CTSF: variants seen among roughly 807,000 people sequenced by gnomAD.
CTSF encodes cathepsin F.
A neutral mutation model predicts 63.5 loss-of-function variants in CTSF; 65 were observed. That is an observed-to-expected ratio of 1.02 (90% CI 0.84 to 1.26). The LOEUF (loss-of-function observed/expected upper bound fraction) is 1.26, where lower values mean the gene tolerates loss of function less well. Ranked by LOEUF, CTSF falls within the 50% of genes most tolerant of loss-of-function variation. The probability of loss-of-function intolerance (pLI) is 0.00; values close to 1 mark genes in which losing one functional copy is unlikely to be tolerated. For synonymous variants in CTSF, 256 were observed against 258.1 expected, an observed-to-expected ratio of 0.99 and a Z score of 0.08; for missense variants, 641 against 631.0, an observed-to-expected ratio of 1.02 and a Z score of -0.17.
rs200760567 is a variant in CTSF at position 66,564,961 on chromosome 11, T to C, written c.1091A>G (p.Gln364Arg). The change falls in exon 9 of 13, where the codon CAG (glutamine) becomes CGG (arginine). Residue 364 changes from glutamine (Q) to arginine (R), a missense_variant. Transcript: ENST00000310325. ...CTTCTCTGCTGAGAAGTTGCAGGAC[T>C]GCATGTGACCCTGGTAGCTGTAGTC... ...EDDYSYQGHM[Q>R]SCNFSAEKAK... 3 of 1,594,968 alleles carry C rather than the reference T, an allele frequency of 1.9e-6. No homozygotes were observed. Among genetic ancestry groups the C allele is most frequent in the African/African-American group, 2.7e-5 (2 of 74,812 alleles).
intron 8 of CTSF, 148 bp from the exon 9 acceptor site, chr11:66,565,154 G>A (rs1857901381): frequency 2.2e-6 from 3 of 1,361,006 alleles, no homozygotes; most frequent in South Asian, 1.5e-5. Flanking sequence ...CTTCATTCTA[G>A]AAATGACACA....
rs1250737788 is a variant in CTSF at position 66,564,619 on chromosome 11, G to C, written c.1260C>G (p.Leu420=). ...TGAGCCAAGGGCTGCAGAGGGGCCG[G>C]AGAGGGCGGGAGATCCCGTGGCGGT... ...QFYRHGISRP[L]RPLCSPWLID... The change falls in exon 11 of 13, where the codon CTC becomes CTG. Residue 420 remains leucine, a synonymous_variant. Transcript: ENST00000310325. 6.2e-7 allele frequency: 1 copy of C among 1,605,672 alleles called. No homozygotes were observed.
At chr11:66,567,195 G>A (rs759916621) in intron 4 of CTSF, 51 bp downstream of exon 4, 57 of 1,587,084 alleles carry the variant, frequency 3.6e-5, no homozygotes, top group Admixed American at 2.0e-4. Context: ...CCAAGTTGGG[G>A]GGAAAGTCCT....
At position 66,567,298 on chromosome 11, in the gene CTSF, T is replaced by G; in HGVS notation, c.555A>C (p.Ser185=). ...AGGTAATGACAAAGTTCTTGAAGAT[T>G]GAAGCCATCTTCACAGGCAAGTCCT... is the stretch of plus-strand genomic sequence containing the variant. ...LSQDLPVKMA[S]IFKNFVITYN... The change falls in exon 4 of 13, where the codon TCA becomes TCC. Residue 185 remains serine, a synonymous_variant. Coordinates refer to ENST00000310325, the MANE Select transcript of CTSF (RefSeq NM_003793.4). The G allele has an allele frequency of 6.2e-7, 1 of 1,614,194 alleles. No homozygotes were observed. Among genetic ancestry groups the G allele is most frequent in the Non-Finnish European group, 8.5e-7 (1 of 1,180,034 alleles).
At position 66,567,961 on chromosome 11, in the gene CTSF, A is replaced by AC. The variant is rs749126577; in HGVS notation, c.312+22dup. On this transcript the variant is annotated intron_variant, in intron 2 of 12. Coordinates refer to ENST00000310325, the MANE Select transcript of CTSF (RefSeq NM_003793.4). ...GCTTTACTCGGCCTCGGGGCGGGGA[A>AC]CCCCAAGAGCCTCATCACTCACCAG... The AC allele has an allele frequency of 1.2e-5, 19 of 1,571,052 alleles. No homozygotes were observed. In the East Asian group the frequency reaches 3.9e-4, roughly 32 times the overall value.
chr11:66,568,332 C>T lies in CTSF; in HGVS notation c.155G>A (p.Arg52His). 1 of 1,313,100 alleles carries T rather than the reference C, an allele frequency of 7.6e-7. No homozygotes were observed. The highest frequency in any genetic ancestry group is 9.6e-7 in the Non-Finnish European group (1 of 1,041,020). 81.3% of individuals were successfully genotyped at this position (1,313,100 alleles called of 1,614,324 possible). A position where few individuals can be genotyped will look rare whatever the true frequency, so the allele number is the denominator to read the frequency against. ...PTRFALEMFNRGRAAGTRAVL... is the reference protein window; with the variant it reads ...PTRFALEMFNHGRAAGTRAVL... ...GGCCCGCGTCCCCGCAGCCCGGCCG[C>T]GGTTGAACATCTCCAGCGCGAAGCG... is the stretch of plus-strand genomic sequence containing the variant. The change falls in exon 1 of 13, where the codon CGC (arginine) becomes CAC (histidine). Residue 52 changes from arginine to histidine, a missense_variant. Physicochemically the swap from Arg to His is conservative, Grantham distance 29. Coordinates refer to ENST00000310325, the MANE Select transcript of CTSF (RefSeq NM_003793.4).
Position 66,563,732 on chromosome 11 carries a change from G to A in CTSF, c.*201C>T. The A allele has an allele frequency of 3.1e-6, 2 of 635,174 alleles. No homozygotes were observed. The highest frequency in any genetic ancestry group is 2.7e-6 in the Non-Finnish European group (1 of 368,276). The allele number at this position is 635,174 out of a possible 1,614,324, so 39.3% of individuals were successfully genotyped here. ...CCTAAGCTACCACAATTCAACAAAG[G>A]TGCAGGTGCAGAACTTCAGGGTGGG... On this transcript the variant is annotated 3_prime_UTR_variant, in exon 13 of 13. Transcript: ENST00000310325.
intron 8 of CTSF, 95 bp from the exon 9 acceptor site, chr11:66,565,101 C>A (rs1857900149): frequency 1.3e-6 from 2 of 1,493,908 alleles, no homozygotes; most frequent in Non-Finnish European, 1.8e-6. Context: ...GTTTCACATT[C>A]CTCGTCCACC....
At chr11:66,566,615 C>T (rs939266475) in intron 4 of CTSF, among the ~76,000 whole-genome samples, 6 of 152,070 alleles carry the variant, frequency 3.9e-5, no homozygotes, top group African/African-American at 1.4e-4. Context: ...GTCTAAAGGA[C>T]ACCACCCACA....
chr11:66,564,769 G>T lies in CTSF; in HGVS notation c.1203C>A (p.Ser401=). 1.2e-6 allele frequency: 2 copies of T among 1,614,046 alleles called. No individual in the cohort carries two copies. Among genetic ancestry groups the T allele is most frequent in the Non-Finnish European group, 1.7e-6 (2 of 1,180,016 alleles). Residue 401 remains serine, a synonymous_variant, in exon 10 of 13, where the codon TCC becomes TCA. Transcript: ENST00000310325. ...AAWLAKRGPI[S]VAINAFGMQF... is the part of the protein sequence containing the mutation. ...GCATGCCAAAGGCATTGATGGCCAC[G>T]GAGATTGGGCCTCTCTTGGCCAGCC... is the stretch of plus-strand genomic sequence containing the variant.
At position 66,568,333 on chromosome 11, in the gene CTSF, G is replaced by C. The variant is rs1857983824; in HGVS notation, c.154C>G (p.Arg52Gly). Residue 52 changes from arginine to glycine, a missense_variant, in exon 1 of 13, where the codon CGC becomes GGC. Physicochemically the swap from Arg to Gly is moderately radical, Grantham distance 125. Transcript: ENST00000310325. ...GCCCGCGTCCCCGCAGCCCGGCCGC[G>C]GTTGAACATCTCCAGCGCGAAGCGG... ...PTRFALEMFN[R>G]GRAAGTRAVL... The C allele has an allele frequency of 7.6e-7, 1 of 1,313,056 alleles. No homozygotes were observed. The highest frequency in any genetic ancestry group is 9.6e-7 in the Non-Finnish European group (1 of 1,041,012). 81.3% of individuals were successfully genotyped at this position (1,313,056 alleles called of 1,614,324 possible).
rs373882968 is a variant in CTSF, at chr11:66,566,276, G to A, written c.721+15C>T. On this transcript the variant is annotated intron_variant, in intron 5 of 12. Transcript: ENST00000310325. Reference sequence around the variant, plus strand: ...CTCTTCCTGGATCCATGAGGACTGTGGCCACTATCCCTACCTGTGAGATCA... The same window carrying A: ...CTCTTCCTGGATCCATGAGGACTGTAGCCACTATCCCTACCTGTGAGATCA... 127 of 1,613,950 alleles carry A rather than the reference G, an allele frequency of 7.9e-5. No homozygotes were observed. The highest frequency in any genetic ancestry group is 1.0e-4 in the Non-Finnish European group (123 of 1,179,944).
Position 66,568,091 on chromosome 11 carries a change from A to T in CTSF, c.214-9T>A. On this transcript the variant is annotated splice_polypyrimidine_tract_variant and intron_variant, in intron 1 of 12. Coordinates refer to ENST00000310325, the MANE Select transcript of CTSF (RefSeq NM_003793.4). ...AGCGACCCCTGACCCGCCTGGAGAG[A>T]GGAGTAGGTGAGGCGGGCACAGTCG... The T allele has an allele frequency of 6.2e-7, 1 of 1,605,006 alleles. No homozygotes were observed. Among genetic ancestry groups the T allele is most frequent in the Non-Finnish European group, 8.5e-7 (1 of 1,177,002 alleles).
At position 66,563,976 on chromosome 11, in the gene CTSF, G is replaced by A; in HGVS notation, c.1412C>T (p.Ala471Val). Residue 471 changes from alanine (A) to valine (V), a missense_variant, in exon 13 of 13, where the codon GCC becomes GTC. Coordinates refer to ENST00000310325, the MANE Select transcript of CTSF (RefSeq NM_003793.4). ...GCTGGCCATGGTGTTCACGCCACAG[G>A]CCCCGGACCCACGATGCAAGTAGTA... Reference protein sequence around the residue: ...GYYYLHRGSGACGVNTMASSA... With the variant: ...GYYYLHRGSGVCGVNTMASSA... The A allele has an allele frequency of 1.9e-6, 3 of 1,613,742 alleles. No individual in the cohort carries two copies. Among genetic ancestry groups the A allele is most frequent in the Non-Finnish European group, 1.7e-6 (2 of 1,180,034 alleles).
rs1189909872 is a variant in CTSF, at chr11:66,564,822, G to C, written c.1166-16C>G. On this transcript the variant is annotated splice_polypyrimidine_tract_variant and intron_variant, in intron 9 of 12. Coordinates refer to ENST00000310325, the MANE Select transcript of CTSF (RefSeq NM_003793.4). ...GCTGCCAGCTCTGAGATGGGAAGGG[G>C]TGGCATCAGTAGGCACCCAGGCCCC... 1 of 1,614,134 alleles carries C rather than the reference G, an allele frequency of 6.2e-7. No individual in the cohort carries two copies. Among genetic ancestry groups the C allele is most frequent in the African/African-American group, 1.3e-5 (1 of 75,054 alleles).
At chr11:66,568,128 C>A (rs375743869) in intron 1 of CTSF, 46 bp from the exon 2 acceptor site, 152 of 1,588,446 alleles carry the variant, frequency 9.6e-5, no homozygotes, top group Non-Finnish European at 1.2e-4. Flanking sequence ...CCCTTGACGG[C>A]GCCCAAGGCC....
At position 66,564,934 on chromosome 11, in the gene CTSF, G is replaced by A. The variant is rs937618113; in HGVS notation, c.1118C>T (p.Ala373Val). ...MQSCNFSAEK[A>V]KVYINDSVEL... is the part of the protein sequence containing the mutation. ...CACGGAGTCATTGATGTAGACCTTG[G>A]CCTTCTCTGCTGAGAAGTTGCAGGA... The change falls in exon 9 of 13, where the codon GCC becomes GTC. Residue 373 changes from alanine to valine, a missense_variant. By Grantham distance (64) the Ala-to-Val change is moderately conservative (BLOSUM62 0). Transcript: ENST00000310325. 1.9e-6 allele frequency: 3 copies of A among 1,604,700 alleles called. No individual in the cohort carries two copies. Among genetic ancestry groups the A allele is most frequent in the Non-Finnish European group, 2.6e-6 (3 of 1,173,064 alleles).
At chr11:66,567,012 G>A (rs572841587) in intron 4 of CTSF, among the ~76,000 whole-genome samples, 30 of 152,262 alleles carry the variant, frequency 2.0e-4, no homozygotes, top group African/African-American at 5.8e-4. Context: ...ACAGAGGTGA[G>A]CCACCACGCC....
chr11:66,567,477 G>A lies in CTSF; in HGVS notation c.498C>T (p.Val166=), dbSNP rs1590816877. The A allele has an allele frequency of 6.2e-7, 1 of 1,614,188 alleles. No homozygotes were observed. The highest frequency in any genetic ancestry group is 8.5e-7 in the Non-Finnish European group (1 of 1,180,028). The change falls in exon 3 of 13, where the codon GTC becomes GTT. Residue 166 remains valine, a synonymous_variant. Coordinates refer to ENST00000310325, the MANE Select transcript of CTSF (RefSeq NM_003793.4). ...PDNRNETFSS[V]ISLLNEDPLS... Reference sequence around the variant, plus strand: ...GGGGATCCTCATTCAACAGGGAAATGACTGAGCTGAAAGTCTCGTTTCTGT... The same window carrying A: ...GGGGATCCTCATTCAACAGGGAAATAACTGAGCTGAAAGTCTCGTTTCTGT...
Sources: allele counts gnomAD v4.1 joint callset (sites outside exome capture counted in the v4.1 genomes callset), GRCh38; gene constraint gnomAD v4.1.1; transcripts MANE v1.5; gene names NCBI Gene and HGNC (gene_info 2026-07-23, HGNC 2026-07-21).